The following CPQ variants were observed in gnomAD, a reference collection of about 807,000 sequenced individuals.
The protein encoded by CPQ is Ser-Met dipeptidase.
In CPQ, 37 loss-of-function variants were observed where a neutral mutation model predicts 45.7. That is an observed-to-expected ratio of 0.81 (90% CI 0.62 to 1.07). CPQ has a LOEUF of 1.07. Among genes scored for constraint, CPQ ranks in the 50% least tolerant of loss-of-function variants. CPQ has a pLI of 0.00. For missense variants in CPQ, 537 were observed against 572.9 expected, an observed-to-expected ratio of 0.94 and a Z score of 0.64; for synonymous variants, 186 against 205.8, an observed-to-expected ratio of 0.90 and a Z score of 0.82.
intron 5 of CPQ, among the ~76,000 whole-genome samples, chr8:96,980,280 A>G (rs1286818190): frequency 6.6e-6 from 1 of 152,082 alleles, no homozygotes; most frequent in Non-Finnish European, 1.5e-5. Context: ...TTTCAGGCAC[A>G]CACCACTATG....
chr8:96,809,820 A>C (rs1299977252), intron 2 of CPQ, among the ~76,000 whole-genome samples: 1 of 152,160 alleles, frequency 6.6e-6, no homozygotes, highest in Admixed American at 6.6e-5. Context: ...TTGAAAGAGA[A>C]AGGAGGAACA....
At chr8:96,661,995 G>GTGGT (rs1360972466) in intron 1 of CPQ, among the ~76,000 whole-genome samples, 26 of 152,146 alleles carry the variant, frequency 1.7e-4, no homozygotes, top group Non-Finnish European at 2.9e-5. Context: ...TAGGTCTGTA[G>GTGGT]TGGTATCTTG....
At chr8:96,655,656 A>C (rs985996527) in intron 1 of CPQ, among the ~76,000 whole-genome samples, 1 of 152,204 alleles carries the variant, frequency 6.6e-6, no homozygotes, top group East Asian at 1.9e-4. Flanking sequence ...ACCCATAGTA[A>C]TTTCAAAACT....
chr8:97,076,218 G>A lies in CPQ; in HGVS notation c.1255+10008G>A, dbSNP rs562885162. Reference sequence around the variant, plus strand: ...TTTTTGTATTTTTAGTAGAGATGGGGTTTTACCATGTTGGTCAGGCTGGTC... The same window carrying A: ...TTTTTGTATTTTTAGTAGAGATGGGATTTTACCATGTTGGTCAGGCTGGTC... On this transcript the variant is annotated intron_variant, in intron 7 of 7. Coordinates refer to ENST00000220763, the MANE Select transcript of CPQ (RefSeq NM_016134.4). 2.6e-5 allele frequency among the ~76,000 whole-genome samples: 4 copies of A among 152,122 alleles called. No individual in the cohort carries two copies. In the East Asian group the frequency reaches 7.7e-4, roughly 29 times the overall value.
At chr8:96,954,035 C>A (rs1015591603) in intron 4 of CPQ, among the ~76,000 whole-genome samples, 1 of 151,926 alleles carries the variant, frequency 6.6e-6, no homozygotes, top group Admixed American at 6.6e-5. Context: ...TATCAAGGGC[C>A]GAGTTAAGTT....
chr8:96,825,808 AT>A (rs1167221775), intron 2 of CPQ, among the ~76,000 whole-genome samples: 9 of 152,024 alleles, frequency 5.9e-5, no homozygotes, highest in Non-Finnish European at 1.2e-4. Context: ...CACACTTAAA[AT>A]TTTAAGCATA....
intron 4 of CPQ, among the ~76,000 whole-genome samples, chr8:96,951,126 C>T (rs2853282): frequency 0.16 from 25,019 of 151,984 alleles, 2,181 homozygotes; most frequent in East Asian, 0.3. Context: ...CTTTAAACAA[C>T]GCTGCACTAA....
At chr8:96,716,111 T>C (rs373358628) in intron 1 of CPQ, among the ~76,000 whole-genome samples, 4 of 152,188 alleles carry the variant, frequency 2.6e-5, no homozygotes, top group African/African-American at 9.7e-5. Context: ...GCTAGGGTGA[T>C]GCAGGCAATG....
chr8:97,007,115 G>A (rs1192840578), intron 5 of CPQ, among the ~76,000 whole-genome samples: 2 of 152,202 alleles, frequency 1.3e-5, no homozygotes, highest in African/African-American at 4.8e-5. Context: ...TTTGTTTGAA[G>A]TTTCTTCTGC....
At position 96,880,616 on chromosome 8, in the gene CPQ, A is replaced by T. The variant is rs903405655; in HGVS notation, c.849+611A>T. ...CCCAGCCATAGAAAAGAATGAAATC[A>T]TGTCCTTTGCAGCAAGATGGGCACA... On this transcript the variant is annotated intron_variant, in intron 4 of 7. Transcript: ENST00000220763. Among the ~76,000 whole-genome samples, 4 of 144,620 alleles carry T rather than the reference A, an allele frequency of 2.8e-5. No individual in the cohort carries two copies. The South Asian group carries it at 8.7e-4, about 31-fold the overall frequency. 94.9% of individuals were successfully genotyped at this position (144,620 alleles called of 152,430 possible).
chr8:97,087,596 C>G (rs1289261730), intron 7 of CPQ, among the ~76,000 whole-genome samples: 2 of 152,156 alleles, frequency 1.3e-5, no homozygotes, highest in African/African-American at 4.8e-5. Context: ...CATTAGGAAT[C>G]CAGTTGCATT....
intron 1 of CPQ, among the ~76,000 whole-genome samples, chr8:96,781,692 C>T (rs948377643): frequency 9.9e-5 from 15 of 152,154 alleles, no homozygotes; most frequent in African/African-American, 1.7e-4. Flanking sequence ...CTCAAAAGTC[C>T]GAAGTCTTGT....
intron 7 of CPQ, among the ~76,000 whole-genome samples, chr8:97,101,745 G>A (rs961887514): frequency 1.3e-5 from 2 of 151,790 alleles, no homozygotes; most frequent in African/African-American, 2.4e-5. Flanking sequence ...ATAGTTCTAC[G>A]AAAGTTTCAA....
chr8:96,690,090 G>C (rs749063122), intron 1 of CPQ, among the ~76,000 whole-genome samples: 16 of 151,876 alleles, frequency 1.1e-4, no homozygotes, highest in Non-Finnish European at 2.1e-4. Context: ...TTGGGCTCTT[G>C]TATACTTAGT....
intron 5 of CPQ, among the ~76,000 whole-genome samples, chr8:97,023,086 C>A (rs1399130272): frequency 1.1e-5 from 1 of 91,046 alleles, no homozygotes; most frequent in Admixed American, 1.3e-4. Flanking sequence ...TATATATACA[C>A]TATGTATATA....
At chr8:97,070,900 A>G (rs1221160171) in intron 7 of CPQ, among the ~76,000 whole-genome samples, 3 of 152,184 alleles carry the variant, frequency 2.0e-5, no homozygotes, top group Non-Finnish European at 2.9e-5. Flanking sequence ...TATGTCACCA[A>G]TGAGGTATAA....
chr8:96,647,037 A>T (rs1026570377), intron 1 of CPQ, among the ~76,000 whole-genome samples: 3 of 152,224 alleles, frequency 2.0e-5, no homozygotes, highest in African/African-American at 4.8e-5. Context: ...ATATATTCCC[A>T]GTATATCTGG....
At position 96,686,169 on chromosome 8, in the gene CPQ, T is replaced by C. The variant is rs1343937030; in HGVS notation, c.-35+40767T>C. Among the ~76,000 whole-genome samples the C allele has an allele frequency of 7.2e-5, 11 of 152,222 alleles. No homozygotes were observed. The East Asian group carries it at 2.1e-3, about 29-fold the overall frequency. ...TTTCCAAATAATGATATTTTAGTTT[T>C]ATCTCTTAAAATTTTACCTGCATTT... On this transcript the variant is annotated intron_variant, in intron 1 of 7. Transcript: ENST00000220763.
intron 1 of CPQ, among the ~76,000 whole-genome samples, chr8:96,655,898 C>A (rs1484045015): frequency 6.6e-6 from 1 of 152,156 alleles, no homozygotes; most frequent in Non-Finnish European, 1.5e-5. Flanking sequence ...GAGACAGCTT[C>A]CTCCTGAGTG....
Sources: allele counts gnomAD v4.1 joint callset (sites outside exome capture counted in the v4.1 genomes callset), GRCh38; gene constraint gnomAD v4.1.1; transcripts MANE v1.5; gene names NCBI Gene and HGNC (gene_info 2026-07-23, HGNC 2026-07-21).